GRIP1: variants seen among roughly 807,000 people sequenced by gnomAD.
GRIP1 encodes the protein glutamate receptor-interacting protein 1.
A neutral mutation model predicts 129.9 loss-of-function variants in GRIP1; 45 were observed. The observed-to-expected ratio is 0.35, with a 90% CI of 0.27 to 0.44. The LOEUF (loss-of-function observed/expected upper bound fraction) is 0.44. GRIP1 is among the 20% of genes least tolerant of loss of function. The pLI is 1.00. For missense variants in GRIP1, 1,196 were observed against 1,396.8 expected, an observed-to-expected ratio of 0.86 and a Z score of 2.29; for synonymous variants, 530 against 520.8, an observed-to-expected ratio of 1.02 and a Z score of -0.24.
In GRIP1 at chr12:66,580,223, C is replaced by T. The variant is rs1351384571; in HGVS notation, c.136+16624G>A. On this transcript the variant is annotated intron_variant, in intron 2 of 24. Coordinates refer to ENST00000359742, the MANE Select transcript of GRIP1 (RefSeq NM_001366722.1). ...AGCAAATGCTGAGAGATTTTGTCAC[C>T]ACCAGGCCTGCCCTAAAAGAGCTCC... Among the ~76,000 whole-genome samples, 8 of 148,998 alleles carry T rather than the reference C, an allele frequency of 5.4e-5. No individual in the cohort carries two copies. In the East Asian group the frequency reaches 1.4e-3, roughly 26 times the overall value.
intron 1 of GRIP1, among the ~76,000 whole-genome samples, chr12:66,755,011 T>C (rs1479980713): frequency 4.6e-5 from 7 of 152,164 alleles, no homozygotes; most frequent in African/African-American, 9.7e-5. Flanking sequence ...TGCCATTATA[T>C]CTTTTTGCTA....
chr12:66,815,846 T>TTCTTTCTTTC (rs1329551538), intron 1 of GRIP1, among the ~76,000 whole-genome samples: 3 of 48,026 alleles, frequency 6.2e-5, no homozygotes, highest in African/African-American at 1.4e-4. Flanking sequence ...CTTTCTTTCT[T>TTCTTTCTTTC]TCTTTCTTTC....
chr12:66,558,576 A>G (rs868590892), intron 2 of GRIP1, among the ~76,000 whole-genome samples: 10 of 152,176 alleles, frequency 6.6e-5, no homozygotes, highest in South Asian at 2.1e-4. Context: ...GAAAGCCTAG[A>G]AGAAATGTAT....
intron 3 of GRIP1, 142 bp downstream of exon 3, chr12:66,541,673 C>A (rs1353948842): frequency 2.3e-6 from 2 of 871,228 alleles, no homozygotes; most frequent in Non-Finnish European, 3.9e-6. Flanking sequence ...GAAACGTGCC[C>A]CACTGTGCTT....
At chr12:66,745,031 T>C (rs888775124) in intron 1 of GRIP1, among the ~76,000 whole-genome samples, 2 of 152,174 alleles carry the variant, frequency 1.3e-5, no homozygotes, top group Non-Finnish European at 2.9e-5. Flanking sequence ...ACAAACATTT[T>C]ACACGTCACC....
intron 22 of GRIP1, among the ~76,000 whole-genome samples, chr12:66,375,363 A>G (rs2055736308): frequency 6.6e-6 from 1 of 152,174 alleles, no homozygotes; most frequent in Non-Finnish European, 1.5e-5. Context: ...AATTGTAATC[A>G]TCTTTCATCT....
intron 7 of GRIP1, among the ~76,000 whole-genome samples, chr12:66,498,488 C>T (rs1024423112): frequency 6.6e-6 from 1 of 152,158 alleles, no homozygotes; most frequent in Non-Finnish European, 1.5e-5. Flanking sequence ...TTATTTTCTA[C>T]CTGGGCAAGT....
Position 67,028,663 on chromosome 12 carries a change from C to T in GRIP1, c.58+40387G>A, listed in dbSNP as rs564942470. Among the ~76,000 whole-genome samples the T allele has an allele frequency of 4.3e-3, 659 of 152,206 alleles. 7 individuals carry two copies. The highest frequency in any genetic ancestry group is 0.015 in the African/African-American group (616 of 41,538). On this transcript the variant is annotated intron_variant, in intron 1 of 1. Transcript: ENST00000643019. ...GATTAAATGCTGTGATTCCCTCCTC[C>T]TTTTTCTCTATGTTTTTCGTGGCAA... is the stretch of plus-strand genomic sequence containing the variant.
intron 16 of GRIP1, among the ~76,000 whole-genome samples, chr12:66,398,769 TTATAA>T (rs769104705): frequency 7.9e-5 from 12 of 152,118 alleles, no homozygotes; most frequent in Admixed American, 1.3e-4. Context: ...CCACAAACTA[TTATAA>T]TATAATATCC....
chr12:66,558,735 C>G (rs375936835), intron 2 of GRIP1, among the ~76,000 whole-genome samples: 4 of 152,170 alleles, frequency 2.6e-5, no homozygotes, highest in African/African-American at 9.6e-5. Context: ...GGCTTCACTG[C>G]TGATTTTTAC....
chr12:66,796,343 T>C (rs927709071), intron 1 of GRIP1, among the ~76,000 whole-genome samples: 1 of 151,900 alleles, frequency 6.6e-6, no homozygotes, highest in Non-Finnish European at 1.5e-5. Context: ...AAAAAACTGA[T>C]TTAACAAATG....
At chr12:66,559,229 T>C (rs1321400127) in intron 2 of GRIP1, among the ~76,000 whole-genome samples, 1 of 151,882 alleles carries the variant, frequency 6.6e-6, no homozygotes, top group East Asian at 1.9e-4. Context: ...GCTAACATCA[T>C]GCTGAATGGG....
chr12:66,523,017 T>C (rs1233292558), intron 5 of GRIP1, among the ~76,000 whole-genome samples: 1 of 151,836 alleles, frequency 6.6e-6, no homozygotes, highest in Non-Finnish European at 1.5e-5. Flanking sequence ...CTCCAAGAAA[T>C]ATGGGACTAT....
Position 66,529,882 on chromosome 12 carries a change from C to G in GRIP1, c.451G>C (p.Val151Leu). 1 of 1,605,954 alleles carries G rather than the reference C, an allele frequency of 6.2e-7. No homozygotes were observed. Among genetic ancestry groups the G allele is most frequent in the Non-Finnish European group, 8.5e-7 (1 of 1,172,572 alleles). The change falls in exon 5 of 25, where the codon GTG becomes CTG. Residue 151 changes from valine (V) to leucine (L), a missense_variant. By Grantham distance (32) the Val-to-Leu change is conservative. Transcript: ENST00000359742. Reference sequence around the variant, plus strand: ...CCTTCTTTATGTAATGTGACCTCCACTGTTCGGAAAATAACACTTGATCCT... The same window carrying G: ...CCTTCTTTATGTAATGTGACCTCCAGTGTTCGGAAAATAACACTTGATCCT... ...VQGSSVIFRTVEVTLHKEGNT... is the reference protein window; with the variant it reads ...VQGSSVIFRTLEVTLHKEGNT...
At chr12:66,725,589 T>C (rs1241926889) in intron 1 of GRIP1, among the ~76,000 whole-genome samples, 10 of 152,168 alleles carry the variant, frequency 6.6e-5, no homozygotes, top group Non-Finnish European at 4.4e-5. Flanking sequence ...CGTGTGTGTG[T>C]ATGTACATGT....
upstream of GRIP1, among the ~76,000 whole-genome samples, chr12:66,680,092 G>A (rs770225253): frequency 2.6e-5 from 4 of 151,392 alleles, no homozygotes; most frequent in Non-Finnish European, 5.9e-5. Context: ...CAGTTGGCCA[G>A]GAAGTTTAAG....
chr12:66,765,304 T>C (rs1479589629), intron 1 of GRIP1, among the ~76,000 whole-genome samples: 15 of 152,194 alleles, frequency 9.9e-5, no homozygotes, highest in Admixed American at 9.2e-4. Flanking sequence ...AATGGGTTTC[T>C]AGCCTTCATC....
intron 1 of GRIP1, among the ~76,000 whole-genome samples, chr12:67,005,172 A>G (rs924058785): frequency 3.5e-4 from 53 of 152,324 alleles, no homozygotes; most frequent in African/African-American, 1.3e-3. Context: ...AAAATTTACA[A>G]CTTGCTGCCC....
At chr12:66,405,414 A>G (rs2057156206) in intron 16 of GRIP1, among the ~76,000 whole-genome samples, 1 of 152,230 alleles carries the variant, frequency 6.6e-6, no homozygotes, top group African/African-American at 2.4e-5. Context: ...AATTGGCTCT[A>G]TATTCTTATC....
Sources: gnomAD v4.1 joint callset for allele counts (sites outside exome capture counted in the v4.1 genomes callset) on GRCh38, gnomAD v4.1.1 for gene constraint, MANE v1.5 for transcripts, NCBI Gene and HGNC (gene_info 2026-07-23, HGNC 2026-07-21) for gene names.